Variants in NKAIN3 observed in about 807,000 individuals in gnomAD.
NKAIN3 encodes sodium/potassium-transporting ATPase subunit beta-1-interacting protein 3.
NKAIN3 carries 25 observed loss-of-function variants against 30.2 expected under a neutral mutation model. The ratio of observed to expected loss-of-function variants is 0.83; its 90% CI spans 0.60 to 1.16. NKAIN3 has a LOEUF of 1.16. Ranked by LOEUF, NKAIN3 falls within the 50% of genes most tolerant of loss-of-function variation. The probability of loss-of-function intolerance (pLI) is 0.00; values close to 1 mark genes in which losing one functional copy is unlikely to be tolerated. For synonymous variants in NKAIN3, 91 were observed against 89.6 expected, an observed-to-expected ratio of 1.02 and a Z score of -0.09; for missense variants, 225 against 254.1, an observed-to-expected ratio of 0.89 and a Z score of 0.78.
intron 1 of NKAIN3, among the ~76,000 whole-genome samples, chr8:62,337,369 T>G (rs987804747): frequency 1.3e-5 from 2 of 151,978 alleles, no homozygotes; most frequent in Non-Finnish European, 2.9e-5. Context: ...AAGACATTTC[T>G]CTACCTTCGA....
At chr8:62,848,839 C>G (rs1051613504) in intron 4 of NKAIN3, among the ~76,000 whole-genome samples, 1 of 152,082 alleles carries the variant, frequency 6.6e-6, no homozygotes, top group African/African-American at 2.4e-5. Context: ...TATGTACCTT[C>G]AATATCTAGT....
At chr8:62,669,977 C>T (rs1379529918) in intron 3 of NKAIN3, among the ~76,000 whole-genome samples, 1 of 152,116 alleles carries the variant, frequency 6.6e-6, no homozygotes, top group Non-Finnish European at 1.5e-5. Context: ...TGGAAGCAAA[C>T]TCCCAATGTT....
intron 6 of NKAIN3, among the ~76,000 whole-genome samples, chr8:62,962,262 G>T (rs1238551029): frequency 6.6e-6 from 1 of 152,094 alleles, no homozygotes; most frequent in Non-Finnish European, 1.5e-5. Flanking sequence ...TCTTATGAAA[G>T]ATTTTTAATT....
At chr8:62,410,513 A>G (rs1443690269) in intron 1 of NKAIN3, among the ~76,000 whole-genome samples, 1 of 152,190 alleles carries the variant, frequency 6.6e-6, no homozygotes, top group Non-Finnish European at 1.5e-5. Flanking sequence ...AAATTATAGA[A>G]CTGAATGAAA....
chr8:62,779,355 A>G (rs1817284226), intron 4 of NKAIN3, among the ~76,000 whole-genome samples: 1 of 152,086 alleles, frequency 6.6e-6, no homozygotes, highest in South Asian at 2.1e-4. Flanking sequence ...TCACCCTTCA[A>G]TGGCAAGGCT....
At chr8:62,655,336 AT>A (rs1812734495) in intron 3 of NKAIN3, among the ~76,000 whole-genome samples, 1 of 152,178 alleles carries the variant, frequency 6.6e-6, no homozygotes, top group Non-Finnish European at 1.5e-5. Flanking sequence ...TCATTAAAAT[AT>A]TTTAGATGGG....
chr8:62,738,091 A>G (rs1287695295), intron 3 of NKAIN3, among the ~76,000 whole-genome samples: 2 of 152,168 alleles, frequency 1.3e-5, no homozygotes, highest in East Asian at 3.9e-4. Flanking sequence ...GAATCGCCAC[A>G]CTGTCTTCCA....
chr8:62,722,711 A>G (rs1815130635), intron 3 of NKAIN3, among the ~76,000 whole-genome samples: 1 of 152,148 alleles, frequency 6.6e-6, no homozygotes, highest in Non-Finnish European at 1.5e-5. Context: ...AGTTCATCCC[A>G]TCCCCCATAG....
intron 4 of NKAIN3, among the ~76,000 whole-genome samples, chr8:62,913,648 C>T (rs552806938): frequency 3.3e-5 from 5 of 152,214 alleles, no homozygotes; most frequent in Admixed American, 1.3e-4. Flanking sequence ...GTGGCAAAGA[C>T]GTTATCTTGG....
chr8:62,836,863 G>C (rs997606429), intron 4 of NKAIN3, among the ~76,000 whole-genome samples: 1 of 152,086 alleles, frequency 6.6e-6, no homozygotes, highest in Non-Finnish European at 1.5e-5. Flanking sequence ...AAGAGTTAAA[G>C]ATGCAAATAT....
intron 1 of NKAIN3, among the ~76,000 whole-genome samples, chr8:62,548,573 GA>G (rs1249093295): frequency 4.0e-5 from 6 of 151,526 alleles, no homozygotes; most frequent in African/African-American, 9.7e-5. Flanking sequence ...AATGTTAGTG[GA>G]AAAAAAATCC....
At chr8:62,830,425 C>T (rs1325503882) in intron 4 of NKAIN3, among the ~76,000 whole-genome samples, 1 of 152,112 alleles carries the variant, frequency 6.6e-6, no homozygotes, top group African/African-American at 2.4e-5. Flanking sequence ...TGGTAAATAG[C>T]ATTAACCAAG....
intron 1 of NKAIN3, among the ~76,000 whole-genome samples, chr8:62,550,255 A>G (rs1809157180): frequency 6.6e-6 from 1 of 152,102 alleles, no homozygotes; most frequent in Non-Finnish European, 1.5e-5. Flanking sequence ...ATATGACAAC[A>G]CTTAGAAGCT....
chr8:62,433,977 C>T (rs772769918), intron 1 of NKAIN3, among the ~76,000 whole-genome samples: 6 of 152,088 alleles, frequency 3.9e-5, no homozygotes, highest in Non-Finnish European at 5.9e-5. Flanking sequence ...TCACTAAGAG[C>T]AGCAGTCAGC....
chr8:62,280,817 G>A (rs1813152193), intron 1 of NKAIN3, among the ~76,000 whole-genome samples: 1 of 152,142 alleles, frequency 6.6e-6, no homozygotes, highest in Non-Finnish European at 1.5e-5. Context: ...GTTCATCAGG[G>A]ATATTGGTCT....
At chr8:62,551,147 G>A (rs1455171828) in intron 1 of NKAIN3, among the ~76,000 whole-genome samples, 1 of 152,120 alleles carries the variant, frequency 6.6e-6, no homozygotes, top group Non-Finnish European at 1.5e-5. Context: ...CCATCAGGTG[G>A]TTATTCTGGA....
At chr8:62,665,568 C>A (rs368521641) in intron 3 of NKAIN3, among the ~76,000 whole-genome samples, 1 of 152,134 alleles carries the variant, frequency 6.6e-6, no homozygotes, top group Non-Finnish European at 1.5e-5. Flanking sequence ...CTGGAGTGAA[C>A]GTGGGCATTT....
intron 1 of NKAIN3, among the ~76,000 whole-genome samples, chr8:62,545,537 C>G (rs971789122): frequency 5.3e-5 from 8 of 152,148 alleles, no homozygotes; most frequent in Non-Finnish European, 1.2e-4. Flanking sequence ...CCATTGCACT[C>G]TAGCCTGAGC....
chr8:62,779,401 A>C (rs1375091690), intron 4 of NKAIN3, among the ~76,000 whole-genome samples: 1 of 152,082 alleles, frequency 6.6e-6, no homozygotes, highest in East Asian at 1.9e-4. Context: ...GGCATGGATG[A>C]TTCTCCTCTG....
Sources: allele counts gnomAD v4.1 joint callset (sites outside exome capture counted in the v4.1 genomes callset), GRCh38; gene constraint gnomAD v4.1.1; transcripts MANE v1.5; gene names NCBI Gene and HGNC (gene_info 2026-07-23, HGNC 2026-07-21).